The following OIT3 variants were observed in gnomAD, a reference collection of about 807,000 sequenced individuals.
OIT3 encodes the protein oncoprotein induced transcript 3.
OIT3 carries 41 observed loss-of-function variants against 52.2 expected under a neutral mutation model. The ratio of observed to expected loss-of-function variants is 0.79; its 90% CI spans 0.61 to 1.02. The LOEUF (loss-of-function observed/expected upper bound fraction) is 1.02, where lower values mean the gene tolerates loss of function less well. OIT3 is among the 50% of genes least tolerant of loss of function. OIT3 has a pLI of 0.00. For missense variants in OIT3, 634 were observed against 715.5 expected (o/e 0.89, Z 1.30); for synonymous variants, 244 against 276.9 (o/e 0.88, Z 1.18).
chr10:72,932,707 A>C lies in OIT3; in HGVS notation c.*183A>C. The C allele has an allele frequency of 1.9e-6, 1 of 537,034 alleles. No homozygotes were observed. The highest frequency in any genetic ancestry group is 3.2e-5 in the East Asian group (1 of 31,200). The allele number at this position is 537,034 out of a possible 1,614,324, so 33.3% of individuals were successfully genotyped here. A position where few individuals can be genotyped will look rare whatever the true frequency, so the allele number is the denominator to read the frequency against. On this transcript the variant is annotated 3_prime_UTR_variant, in exon 9 of 9. Coordinates refer to ENST00000334011, the MANE Select transcript of OIT3 (RefSeq NM_152635.3). ...GTGGGCACAGGTCACAGCACTGCTG[A>C]ACAATGTGGCCTGGGTGGGGTTTCA...
chr10:72,924,097 AC>A (rs1846144969), intron 6 of OIT3, 131 bp from the exon 7 acceptor site: 4 of 794,834 alleles, frequency 5.0e-6, no homozygotes, highest in Non-Finnish European at 7.9e-6. Context: ...ACAAAACAAA[AC>A]TTCATCCTTA....
At chr10:72,911,876 A>G in intron 5 of OIT3, 37 bp downstream of exon 5, 1 of 1,573,586 alleles carries the variant, frequency 6.4e-7, no homozygotes, top group Non-Finnish European at 8.6e-7. Context: ...CTCTACTCTG[A>G]TTACACTTCT....
intron 2 of OIT3, 86 bp from the exon 3 acceptor site, chr10:72,900,291 C>T: frequency 1.4e-6 from 1 of 733,242 alleles, no homozygotes; most frequent in Non-Finnish European, 2.3e-6. Flanking sequence ...ACCACCCCCC[C>T]CGACCCCCCG....
intron 4 of OIT3, 26 bp from the exon 5 acceptor site, chr10:72,911,691 C>T: frequency 2.5e-6 from 4 of 1,608,038 alleles, no homozygotes; most frequent in Non-Finnish European, 3.4e-6. Flanking sequence ...CGAGATTATT[C>T]CCTTTTCTGT....
chr10:72,903,285 G>A (rs1845949737), intron 3 of OIT3, among the ~76,000 whole-genome samples: 1 of 151,952 alleles, frequency 6.6e-6, no homozygotes, highest in African/African-American at 2.4e-5. Flanking sequence ...GAGTGCAATG[G>A]CACAATCTCG....
chr10:72,915,850 G>A (rs938948988), intron 6 of OIT3, among the ~76,000 whole-genome samples: 4 of 152,192 alleles, frequency 2.6e-5, no homozygotes, highest in Non-Finnish European at 5.9e-5. Flanking sequence ...GTGCCACTGT[G>A]CACATTCTGT....
At chr10:72,906,802 G>A in intron 4 of OIT3, 84 bp downstream of exon 4, 1 of 1,366,790 alleles carries the variant, frequency 7.3e-7, no homozygotes, top group Non-Finnish European at 9.8e-7. Flanking sequence ...AACTGCCTTA[G>A]TGTCCGAAGA....
chr10:72,915,426 T>C (rs1846064353), intron 6 of OIT3, among the ~76,000 whole-genome samples: 1 of 152,192 alleles, frequency 6.6e-6, no homozygotes, highest in Non-Finnish European at 1.5e-5. Context: ...GTATTGCTCC[T>C]AGGGGAAACA....
At chr10:72,903,078 G>A (rs1030763147) in intron 3 of OIT3, among the ~76,000 whole-genome samples, 1 of 152,052 alleles carries the variant, frequency 6.6e-6, no homozygotes, top group Non-Finnish European at 1.5e-5. Flanking sequence ...GTAAGCATGT[G>A]TCAATTTTCC....
At chr10:72,927,632 T>C (rs1210867017) in intron 7 of OIT3, among the ~76,000 whole-genome samples, 1 of 152,202 alleles carries the variant, frequency 6.6e-6, no homozygotes, top group South Asian at 2.1e-4. Flanking sequence ...ACAAGAATGA[T>C]GTGTGCAAGA....
At chr10:72,899,703 T>TAGATGATA (rs558444628) in intron 2 of OIT3, among the ~76,000 whole-genome samples, 12 of 144,860 alleles carry the variant, frequency 8.3e-5, no homozygotes, top group African/African-American at 2.9e-4. Context: ...GATAGATAGA[T>TAGATGATA]GATAGATAGA....
At position 72,917,675 on chromosome 10, in the gene OIT3, C is replaced by T. The variant is rs1022311417; in HGVS notation, c.951+4207C>T. ...TCCACTGCCAGAGATCTTGAATAGC[C>T]TCTTGGTCAGTCATCCGGAAGCAAT... is the stretch of plus-strand genomic sequence containing the variant. On this transcript the variant is annotated intron_variant, in intron 6 of 8. Coordinates refer to ENST00000334011, the MANE Select transcript of OIT3 (RefSeq NM_152635.3). 4.0e-5 allele frequency: 36 copies of T among 900,034 alleles called. 2 individuals carry two copies. The highest frequency in any genetic ancestry group is 2.3e-4 in the Middle Eastern group (1 of 4,258). The allele number at this position is 900,034 out of a possible 1,614,324, so 55.8% of individuals were successfully genotyped here.
At chr10:72,930,005 C>CAA (rs1846202306) in intron 7 of OIT3, among the ~76,000 whole-genome samples, 1 of 152,108 alleles carries the variant, frequency 6.6e-6, no homozygotes, top group Non-Finnish European at 1.5e-5. Context: ...GACTTTTACC[C>CAA]AATAGAACCA....
At chr10:72,929,012 C>A (rs1045733923) in intron 7 of OIT3, among the ~76,000 whole-genome samples, 5 of 151,904 alleles carry the variant, frequency 3.3e-5, no homozygotes, top group African/African-American at 1.2e-4. Flanking sequence ...AGTTCAAGAC[C>A]AGCCTGGGCA....
chr10:72,917,993 A>G, intron 6 of OIT3: 1 of 809,048 alleles, frequency 1.2e-6, no homozygotes, highest in South Asian at 1.3e-5. Flanking sequence ...CATTATCATC[A>G]TTATCTTCAT....
At chr10:72,926,339 G>A (rs753842686) in intron 7 of OIT3, among the ~76,000 whole-genome samples, 35 of 152,178 alleles carry the variant, frequency 2.3e-4, no homozygotes, top group Non-Finnish European at 3.8e-4. Context: ...CAACTGAGAT[G>A]CTTTTTAACA....
In OIT3 at chr10:72,932,342, T is replaced by G; in HGVS notation, c.1468-12T>G. Reference sequence around the variant, plus strand: ...TTATTGTTTTTATTAACAGTCGTGATCATCTCTTCAGGAAGTGTTTCTGCA... The same window carrying G: ...TTATTGTTTTTATTAACAGTCGTGAGCATCTCTTCAGGAAGTGTTTCTGCA... On this transcript the variant is annotated splice_polypyrimidine_tract_variant and intron_variant, in intron 8 of 8. Transcript: ENST00000334011. 6.2e-7 allele frequency: 1 copy of G among 1,613,692 alleles called. No individual in the cohort carries two copies. Among genetic ancestry groups the G allele is most frequent in the Non-Finnish European group, 8.5e-7 (1 of 1,179,546 alleles).
chr10:72,912,181 G>T (rs905489266), intron 5 of OIT3, among the ~76,000 whole-genome samples: 1 of 151,756 alleles, frequency 6.6e-6, no homozygotes, highest in Non-Finnish European at 1.5e-5. Flanking sequence ...CAGTTGAAAG[G>T]CCTGAGGAAC....
At chr10:72,932,243 TG>T (rs1350406459) in intron 8 of OIT3, 110 bp from the exon 9 acceptor site, 3 of 967,470 alleles carry the variant, frequency 3.1e-6, no homozygotes, top group Non-Finnish European at 4.8e-6. Flanking sequence ...TGGATGTCCT[TG>T]TTAAGATTAC....
Sources: allele counts gnomAD v4.1 joint callset (sites outside exome capture counted in the v4.1 genomes callset), GRCh38; gene constraint gnomAD v4.1.1; transcripts MANE v1.5; gene names NCBI Gene and HGNC (gene_info 2026-07-23, HGNC 2026-07-21).